CLEC2D: variants seen among roughly 807,000 people sequenced by gnomAD.
The protein encoded by CLEC2D is C-type lectin related f.
CLEC2D carries 16 observed loss-of-function variants against 20.0 expected under a neutral mutation model. The ratio of observed to expected loss-of-function variants is 0.80; its 90% CI spans 0.54 to 1.22. The LOEUF (loss-of-function observed/expected upper bound fraction) is 1.22. Among genes scored for constraint, CLEC2D ranks in the 50% most tolerant of loss-of-function variants. The probability of loss-of-function intolerance (pLI) is 0.00; values close to 1 mark genes in which losing one functional copy is unlikely to be tolerated. For synonymous variants in CLEC2D, 77 were observed against 71.1 expected, an observed-to-expected ratio of 1.08 and a Z score of -0.42; for missense variants, 207 against 221.5, an observed-to-expected ratio of 0.93 and a Z score of 0.42.
At chr12:9,680,603 G>A (rs117372141) in intron 1 of CLEC2D, among the ~76,000 whole-genome samples, 1,589 of 152,096 alleles carry the variant, frequency 0.01, 15 homozygotes, top group Middle Eastern at 0.02. Context: ...TTTTAGACAG[G>A]AATCAGAATA....
At chr12:9,682,956 C>T (rs749497255) in intron 2 of CLEC2D, among the ~76,000 whole-genome samples, 1 of 152,198 alleles carries the variant, frequency 6.6e-6, no homozygotes, top group Admixed American at 6.5e-5. Flanking sequence ...AATTTACACT[C>T]CCACCAACAG....
At chr12:9,671,009 C>T (rs1020325571) in intron 1 of CLEC2D, among the ~76,000 whole-genome samples, 7 of 152,270 alleles carry the variant, frequency 4.6e-5, no homozygotes, top group Non-Finnish European at 8.8e-5. Context: ...ACCATCTGAC[C>T]CGTACTTTCA....
At chr12:9,688,738 A>G (rs1055774846) in intron 3 of CLEC2D, among the ~76,000 whole-genome samples, 1 of 147,998 alleles carries the variant, frequency 6.8e-6, no homozygotes, top group Non-Finnish European at 1.5e-5. Flanking sequence ...AAATAAAAAC[A>G]ATAAGTCAAG....
At chr12:9,683,708 C>CCT (rs1379250374) in intron 2 of CLEC2D, among the ~76,000 whole-genome samples, 1 of 151,964 alleles carries the variant, frequency 6.6e-6, no homozygotes, top group Admixed American at 6.6e-5. Context: ...ATTTCTGAGG[C>CCT]CTCTGTTCTG....
At chr12:9,676,190 G>A (rs945541951) in intron 1 of CLEC2D, among the ~76,000 whole-genome samples, 2 of 152,152 alleles carry the variant, frequency 1.3e-5, no homozygotes, top group Admixed American at 1.3e-4. Flanking sequence ...ATGTTGTAAA[G>A]TATTGGCGAG....
chr12:9,680,889 A>C (rs775886779), intron 1 of CLEC2D, 34 bp from the exon 2 acceptor site: 1 of 1,052,900 alleles, frequency 9.5e-7, no homozygotes, highest in Non-Finnish European at 1.5e-6. Context: ...GTCTGTATTT[A>C]ATTGTTAAAA....
At chr12:9,688,259 A>C in intron 3 of CLEC2D, 173 bp downstream of exon 3, 1 of 1,185,834 alleles carries the variant, frequency 8.4e-7, no homozygotes, top group Non-Finnish European at 1.1e-6. Flanking sequence ...TTTACAGTGA[A>C]CCATCTAAAA....
Position 9,695,017 on chromosome 12 carries a change from T to A in CLEC2D, c.*143T>A. On this transcript the variant is annotated 3_prime_UTR_variant, in exon 5 of 5. Transcript: ENST00000290855. ...TCACTAATAACTGGGAAAATACAAATCAAAATCATAGTAAAATATTACCTG... is the reference window on the plus strand; with the variant it reads ...TCACTAATAACTGGGAAAATACAAAACAAAATCATAGTAAAATATTACCTG... 1 of 604,464 alleles carries A rather than the reference T, an allele frequency of 1.7e-6. No individual in the cohort carries two copies. Among genetic ancestry groups the A allele is most frequent in the East Asian group, 2.8e-5 (1 of 36,058 alleles). The allele number at this position is 604,464 out of a possible 1,614,324, so 37.4% of individuals were successfully genotyped here. A position where few individuals can be genotyped will look rare whatever the true frequency, so the allele number is the denominator to read the frequency against.
intron 1 of CLEC2D, among the ~76,000 whole-genome samples, chr12:9,676,879 T>C (rs1407488721): frequency 6.6e-6 from 1 of 152,158 alleles, no homozygotes; most frequent in African/African-American, 2.4e-5. Context: ...ATGTATGAGT[T>C]TAGACAAATT....
chr12:9,677,485 C>T (rs878878497), intron 1 of CLEC2D, among the ~76,000 whole-genome samples: 4 of 151,998 alleles, frequency 2.6e-5, no homozygotes, highest in South Asian at 2.1e-4. Flanking sequence ...TGAGAGCAGA[C>T]GCTGTATGAT....
intron 1 of CLEC2D, among the ~76,000 whole-genome samples, chr12:9,670,405 T>C (rs1865392357): frequency 6.6e-6 from 1 of 152,190 alleles, no homozygotes; most frequent in African/African-American, 2.4e-5. Context: ...CCTCCCAACT[T>C]AAAAGGTAAT....
Position 9,680,944 on chromosome 12 carries a change from A to G in CLEC2D, c.83A>G (p.His28Arg), listed in dbSNP as rs1217198108. The change falls in exon 2 of 5, where the codon CAT (histidine) becomes CGT (arginine). Residue 28 changes from histidine (H) to arginine (R), a missense_variant. Physicochemically the swap from His to Arg is conservative, Grantham distance 29. Transcript: ENST00000290855. Reference protein sequence around the residue: ...ANPGCLHSKEHSIKATLIWRL... With the variant: ...ANPGCLHSKERSIKATLIWRL... ...CCAGGTTGTCTGCATTCAAAAGAGC[A>G]TTCTATTAAAGCTACCTTAATTTGG... 1 of 1,586,300 alleles carries G rather than the reference A, an allele frequency of 6.3e-7. No homozygotes were observed.
rs1866029251 is a variant in CLEC2D, at chr12:9,697,645, T to C, written c.*2771T>C. 6.6e-6 allele frequency: 1 copy of C among 151,818 alleles called. No individual in the cohort carries two copies. The highest frequency in any genetic ancestry group is 6.6e-5 in the Admixed American group (1 of 15,238). 9.4% of individuals were successfully genotyped at this position (151,818 alleles called of 1,614,324 possible). A position where few individuals can be genotyped will look rare whatever the true frequency, so the allele number is the denominator to read the frequency against. On this transcript the variant is annotated 3_prime_UTR_variant, in exon 5 of 5. Coordinates refer to ENST00000290855, the MANE Select transcript of CLEC2D (RefSeq NM_013269.6). ...AAACAATGTAAATAAACCTATAGGG[T>C]TTATTATATATACTAAGTGAAATAA... is the stretch of plus-strand genomic sequence containing the variant.
intron 1 of CLEC2D, among the ~76,000 whole-genome samples, chr12:9,677,817 C>T (rs914366366): frequency 2.0e-5 from 3 of 151,504 alleles, no homozygotes; most frequent in African/African-American, 7.3e-5. Context: ...CACTGCTTCC[C>T]GAGTTCAAGC....
intron 1 of CLEC2D, among the ~76,000 whole-genome samples, chr12:9,680,442 T>G (rs1865610876): frequency 6.6e-6 from 1 of 152,188 alleles, no homozygotes; most frequent in African/African-American, 2.4e-5. Flanking sequence ...CTATTCACTC[T>G]CCTATCCTTC....
rs1287367742 is a variant in CLEC2D at position 9,687,933 on chromosome 12, A to C, written c.204A>C (p.Ser68=). 6.2e-7 allele frequency: 1 copy of C among 1,603,452 alleles called. No homozygotes were observed. The highest frequency in any genetic ancestry group is 1.1e-5 in the South Asian group (1 of 89,348). ...AIRANCHQEP[S]VCLQAACPES... The stretch of plus-strand genomic sequence containing the variant: ...GAGCTAACTGCCATCAAGAGCCATC[A>C]GTATGTCTTCAAGCTGCATGCCCAG... Residue 68 remains serine, a synonymous_variant, in exon 3 of 5, where the codon TCA becomes TCC. Transcript: ENST00000290855.
chr12:9,690,576 G>T (rs778553265), intron 3 of CLEC2D, among the ~76,000 whole-genome samples: 26 of 151,942 alleles, frequency 1.7e-4, no homozygotes, highest in Non-Finnish European at 3.4e-4. Flanking sequence ...AAATATGATA[G>T]TGGTCATATA....
At chr12:9,693,970 T>A (rs978452396) in intron 4 of CLEC2D, 1 of 4,698 alleles carries the variant, frequency 2.1e-4, no homozygotes, top group Admixed American at 8.6e-3. Context: ...CTTGCTTGGC[T>A]TTTTTTTTTT....
chr12:9,694,076 A>G (rs1865927149), intron 4 of CLEC2D: 1 of 182,106 alleles, frequency 5.5e-6, no homozygotes, highest in Non-Finnish European at 1.2e-5. Flanking sequence ...GGCCTCCCAA[A>G]ATGTTGGAAT....
Sources: allele counts gnomAD v4.1 joint callset (sites outside exome capture counted in the v4.1 genomes callset), GRCh38; gene constraint gnomAD v4.1.1; transcripts MANE v1.5; gene names NCBI Gene and HGNC (gene_info 2026-07-23, HGNC 2026-07-21).